Variants in MSRB2 observed in about 807,000 individuals in gnomAD.
The protein encoded by MSRB2 is methionine sulfoxide reductase B2, also known as methionine-R-sulfoxide reductase B2, mitochondrial.
Under a neutral mutation model 19.0 loss-of-function variants are expected in MSRB2, and 17 were observed. That is an observed-to-expected ratio of 0.89 (90% CI 0.61 to 1.34). The LOEUF is 1.34. MSRB2 is among the 40% of genes most tolerant of loss of function. MSRB2 has a pLI of 0.00. For synonymous variants in MSRB2, 107 were observed against 99.7 expected (o/e 1.07, Z -0.44); for missense variants, 208 against 237.6 (o/e 0.88, Z 0.82).
chr10:23,110,929 A>T (rs952152542), intron 3 of MSRB2, among the ~76,000 whole-genome samples: 3 of 152,212 alleles, frequency 2.0e-5, no homozygotes, highest in Non-Finnish European at 4.4e-5. Context: ...CTTAAAAAAA[A>T]GTAGATTCGA....
chr10:23,109,412 G>A (rs553306988), intron 2 of MSRB2, among the ~76,000 whole-genome samples: 1 of 152,086 alleles, frequency 6.6e-6, no homozygotes, highest in Admixed American at 6.5e-5. Flanking sequence ...GCGTGGTGGC[G>A]TGCACCTGTA....
At chr10:23,095,837 A>C in intron 1 of MSRB2, 111 bp downstream of exon 1, 2 of 649,440 alleles carry the variant, frequency 3.1e-6, no homozygotes, top group Non-Finnish European at 4.3e-6. Flanking sequence ...CCCTCCTACT[A>C]AGCCCTCCTC....
rs1840182514 is a variant in MSRB2, at chr10:23,121,452, C to T, written c.*590C>T. The T allele has an allele frequency of 6.6e-6, 1 of 152,308 alleles. No homozygotes were observed. Among genetic ancestry groups the T allele is most frequent in the Non-Finnish European group, 1.5e-5 (1 of 68,156 alleles). The allele number at this position is 152,308 out of a possible 1,614,324, so 9.4% of individuals were successfully genotyped here. A position where few individuals can be genotyped will look rare whatever the true frequency, so the allele number is the denominator to read the frequency against. Reference sequence around the variant, plus strand: ...CCAGTTACCTCCCGGCAGGGCCCACCTCCGGCACTAGGAATTATACTTCAA... The same window carrying T: ...CCAGTTACCTCCCGGCAGGGCCCACTTCCGGCACTAGGAATTATACTTCAA... On this transcript the variant is annotated 3_prime_UTR_variant, in exon 5 of 5. Coordinates refer to ENST00000376510, the MANE Select transcript of MSRB2 (RefSeq NM_012228.4).
chr10:23,120,647 C>T, intron 4 of MSRB2, 111 bp from the exon 5 acceptor site: 1 of 662,208 alleles, frequency 1.5e-6, no homozygotes. Flanking sequence ...TTTCTCCTAA[C>T]ACAGATGTCA....
chr10:23,118,051 C>A (rs1248165516), intron 3 of MSRB2, among the ~76,000 whole-genome samples: 2 of 152,008 alleles, frequency 1.3e-5, no homozygotes, highest in African/African-American at 2.4e-5. Flanking sequence ...GGGCACTCAA[C>A]CTATATTAAA....
chr10:23,112,114 C>G (rs1026747905), intron 3 of MSRB2, among the ~76,000 whole-genome samples: 1 of 152,142 alleles, frequency 6.6e-6, no homozygotes, highest in African/African-American at 2.4e-5. Context: ...AGCCCATTGA[C>G]CAAGTGGCCA....
At position 23,120,828 on chromosome 10, in the gene MSRB2, G is replaced by A. The variant is rs1366056470; in HGVS notation, c.515G>A (p.Ser172Asn). Residue 172 changes from serine to asparagine, a missense_variant, in exon 5 of 5, where the codon AGT becomes AAT. Physicochemically the swap from Ser to Asn is conservative, Grantham distance 46 (BLOSUM62 1). Transcript: ENST00000376510. The part of the protein sequence containing the change: ...GPNGQRFCIN[S>N]VALKFKPRKH Reference sequence around the variant, plus strand: ...AATGGTCAGAGGTTTTGCATCAACAGTGTGGCTTTGAAGTTCAAACCAAGG... The same window carrying A: ...AATGGTCAGAGGTTTTGCATCAACAATGTGGCTTTGAAGTTCAAACCAAGG... 14 of 1,614,120 alleles carry A rather than the reference G, an allele frequency of 8.7e-6. No homozygotes were observed. The highest frequency in any genetic ancestry group is 1.3e-5 in the African/African-American group (1 of 75,036).
At chr10:23,118,834 A>C (rs779413211) in intron 3 of MSRB2, among the ~76,000 whole-genome samples, 6 of 152,214 alleles carry the variant, frequency 3.9e-5, no homozygotes, top group Non-Finnish European at 7.3e-5. Flanking sequence ...ATCCCTGGTC[A>C]GGCGTCTGTG....
chr10:23,109,422 A>G (rs1247081743), intron 2 of MSRB2, among the ~76,000 whole-genome samples: 1 of 152,042 alleles, frequency 6.6e-6, no homozygotes, highest in African/African-American at 2.4e-5. Flanking sequence ...GTGCACCTGT[A>G]GTCCCAGCTA....
At chr10:23,102,794 TC>T (rs1193969472) in intron 1 of MSRB2, among the ~76,000 whole-genome samples, 1 of 152,204 alleles carries the variant, frequency 6.6e-6, no homozygotes, top group Non-Finnish European at 1.5e-5. Flanking sequence ...ATTCTATACT[TC>T]CTTCTTCATT....
rs754535072 is a variant in MSRB2 at position 23,116,104 on chromosome 10, TA to T, written c.297-3193del. Among the ~76,000 whole-genome samples, 18 of 152,124 alleles carry T rather than the reference TA, an allele frequency of 1.2e-4. 1 individual carries two copies. The South Asian group carries it at 1.7e-3, about 14-fold the overall frequency. On this transcript the variant is annotated intron_variant, in intron 3 of 4. Transcript: ENST00000376510. ...TTCCATAGATTTCTGGTATTAATAA[TA>T]AAAAAATATTAAAAAATAGCTACCA...
chr10:23,105,033 A>T (rs1839970360), intron 2 of MSRB2, among the ~76,000 whole-genome samples: 1 of 152,176 alleles, frequency 6.6e-6, no homozygotes. Context: ...CCTAGTAGGC[A>T]TCCGAAAAAT....
intron 4 of MSRB2, among the ~76,000 whole-genome samples, 175 bp downstream of exon 4, chr10:23,119,626 G>A (rs1204659569): frequency 6.6e-6 from 1 of 151,858 alleles, no homozygotes; most frequent in Admixed American, 6.6e-5. Context: ...TTTGTTTTGA[G>A]ACAGTCTCGC....
intron 3 of MSRB2, among the ~76,000 whole-genome samples, chr10:23,111,803 TTTAAA>T (rs1840057152): frequency 6.7e-6 from 1 of 150,058 alleles, no homozygotes; most frequent in African/African-American, 2.5e-5. Context: ...TTTTAATTAA[TTTAAA>T]CTTAAATTTA....
intron 2 of MSRB2, among the ~76,000 whole-genome samples, chr10:23,105,955 G>A (rs1839983758): frequency 6.6e-6 from 1 of 152,172 alleles, no homozygotes; most frequent in Non-Finnish European, 1.5e-5. Flanking sequence ...GACTGCACAA[G>A]GGAACCACAT....
At chr10:23,105,913 T>C (rs2131625652) in intron 2 of MSRB2, among the ~76,000 whole-genome samples, 1 of 152,338 alleles carries the variant, frequency 6.6e-6, no homozygotes, top group East Asian at 1.9e-4. Context: ...AAAGCCCTTG[T>C]TGGGAAAGAG....
chr10:23,119,195 G>A (rs1588972471), intron 3 of MSRB2, 109 bp from the exon 4 acceptor site: 1 of 1,373,648 alleles, frequency 7.3e-7, no homozygotes, highest in Non-Finnish European at 1.0e-6. Flanking sequence ...GGATCTGGCA[G>A]AGGAGAGTGG....
At chr10:23,100,393 T>G (rs1839914653) in intron 1 of MSRB2, among the ~76,000 whole-genome samples, 1 of 151,980 alleles carries the variant, frequency 6.6e-6, no homozygotes, top group African/African-American at 2.4e-5. Flanking sequence ...TGAACAGAAG[T>G]GGCAAAAAAA....
At chr10:23,096,066 G>A (rs1363739889) in intron 1 of MSRB2, among the ~76,000 whole-genome samples, 1 of 152,026 alleles carries the variant, frequency 6.6e-6, no homozygotes, top group Admixed American at 6.5e-5. Flanking sequence ...CGAAGGCCCG[G>A]GGCCTGGGCT....
Sources: gnomAD v4.1 joint callset for allele counts (sites outside exome capture counted in the v4.1 genomes callset) on GRCh38, gnomAD v4.1.1 for gene constraint, MANE v1.5 for transcripts, NCBI Gene and HGNC (gene_info 2026-07-23, HGNC 2026-07-21) for gene names.